The following NARS2 variants were observed in gnomAD, a reference collection of about 807,000 sequenced individuals.
The protein encoded by NARS2 is asparaginyl-tRNA synthetase 2, mitochondrial, also known as asparaginyl-tRNA synthetase.
Under a neutral mutation model 62.9 loss-of-function variants are expected in NARS2, and 60 were observed. The observed-to-expected ratio is 0.95, with a 90% CI of 0.77 to 1.18. The LOEUF is 1.18. Ranked by LOEUF, NARS2 falls within the 50% of genes most tolerant of loss-of-function variation. The pLI is 0.00. For synonymous variants in NARS2, 196 were observed against 200.0 expected, an observed-to-expected ratio of 0.98 and a Z score of 0.17; for missense variants, 619 against 576.4, an observed-to-expected ratio of 1.07 and a Z score of -0.76.
intron 4 of NARS2, among the ~76,000 whole-genome samples, chr11:78,563,847 A>C (rs1413237815): frequency 2.1e-4 from 14 of 66,028 alleles, no homozygotes; most frequent in African/African-American, 8.4e-4. Context: ...AAAAAAAAAA[A>C]AAAAATATAT....
chr11:78,552,124 T>G (rs1856146302), intron 5 of NARS2, among the ~76,000 whole-genome samples: 1 of 152,222 alleles, frequency 6.6e-6, no homozygotes, highest in African/African-American at 2.4e-5. Flanking sequence ...CAGTTATCTT[T>G]TCCGCTCTTC....
chr11:78,522,672 C>A (rs779501444), intron 6 of NARS2, among the ~76,000 whole-genome samples: 22 of 152,060 alleles, frequency 1.4e-4, no homozygotes, highest in Non-Finnish European at 2.2e-4. Flanking sequence ...GGTGTACAAT[C>A]TAAAAATAAA....
At chr11:78,550,387 G>C (rs1856054484) in intron 5 of NARS2, among the ~76,000 whole-genome samples, 1 of 152,034 alleles carries the variant, frequency 6.6e-6, no homozygotes, top group Non-Finnish European at 1.5e-5. Flanking sequence ...ATTTCCTTCA[G>C]TCATTTTCTG....
chr11:78,443,836 T>A, intron 11 of NARS2, 78 bp from the exon 12 acceptor site: 1 of 1,093,970 alleles, frequency 9.1e-7, no homozygotes, highest in Non-Finnish European at 1.3e-6. Flanking sequence ...AGTAAACCTT[T>A]AACATTTTGG....
rs1325541772 is a variant in NARS2 at position 78,528,226 on chromosome 11, T to TA, written c.689+615dup. 4.6e-5 allele frequency among the ~76,000 whole-genome samples: 7 copies of TA among 151,754 alleles called. No individual in the cohort carries two copies. In the South Asian group the frequency reaches 8.3e-4, roughly 18 times the overall value. ...TGGGCAATAAGCGAGATCCCACCTCTAAAAAAAATAAAAATAAATGGGAAT... is the reference window on the plus strand; with the variant it reads ...TGGGCAATAAGCGAGATCCCACCTCTAAAAAAAAATAAAAATAAATGGGAAT... On this transcript the variant is annotated intron_variant, in intron 6 of 13. Coordinates refer to ENST00000281038, the MANE Select transcript of NARS2 (RefSeq NM_024678.6).
intron 11 of NARS2, among the ~76,000 whole-genome samples, chr11:78,445,508 C>A (rs898981597): frequency 7.2e-5 from 11 of 152,266 alleles, no homozygotes; most frequent in African/African-American, 2.4e-4. Flanking sequence ...GTAGTCCCAG[C>A]TGTTCTGGAG....
chr11:78,544,010 C>A, intron 5 of NARS2, among the ~76,000 whole-genome samples: 1 of 98,878 alleles, frequency 1.0e-5, no homozygotes, highest in Non-Finnish European at 1.9e-5. Context: ...CAGAGTAAGA[C>A]TCTGTCTCAA....
At chr11:78,554,508 C>CGTGCGTGTGTGTGTGTGTGTGT (rs112168447) in intron 5 of NARS2, among the ~76,000 whole-genome samples, 12 of 146,910 alleles carry the variant, frequency 8.2e-5, no homozygotes, top group Non-Finnish European at 1.6e-4. Flanking sequence ...GGCGTGTGTG[C>CGTGCGTGTGTGTGTGTGTGTGT]GTGTGTGTGT....
chr11:78,524,569 T>C (rs1006955697), intron 6 of NARS2, among the ~76,000 whole-genome samples: 6 of 152,150 alleles, frequency 3.9e-5, no homozygotes, highest in Non-Finnish European at 5.9e-5. Context: ...TACTTCATTA[T>C]GTGACATTTC....
intron 11 of NARS2, among the ~76,000 whole-genome samples, chr11:78,451,704 C>A (rs1857977763): frequency 6.6e-6 from 1 of 152,210 alleles, no homozygotes; most frequent in Non-Finnish European, 1.5e-5. Context: ...TAGATTTTAT[C>A]ATAGCTAACC....
At chr11:78,517,163 A>C (rs945920334) in intron 6 of NARS2, among the ~76,000 whole-genome samples, 1 of 152,242 alleles carries the variant, frequency 6.6e-6, no homozygotes, top group Non-Finnish European at 1.5e-5. Flanking sequence ...GAGCTGAAGC[A>C]AAGGGACATG....
intron 5 of NARS2, among the ~76,000 whole-genome samples, chr11:78,553,429 C>T (rs936867093): frequency 6.6e-6 from 1 of 152,120 alleles, no homozygotes; most frequent in African/African-American, 2.4e-5. Context: ...GCTGGGATTA[C>T]AGGCATGTGC....
intron 7 of NARS2, among the ~76,000 whole-genome samples, chr11:78,485,487 T>C (rs1379004106): frequency 1.3e-5 from 2 of 152,184 alleles, no homozygotes; most frequent in Non-Finnish European, 1.5e-5. Flanking sequence ...GAATGGGAAC[T>C]AGTCAACTTG....
intron 5 of NARS2, chr11:78,546,594 G>A (rs1855886518): frequency 6.6e-6 from 1 of 152,214 alleles, no homozygotes; most frequent in Non-Finnish European, 1.5e-5. Flanking sequence ...CACATGTCAT[G>A]TAGTCAATTA....
intron 5 of NARS2, among the ~76,000 whole-genome samples, chr11:78,532,624 C>T (rs767374862): frequency 6.6e-6 from 1 of 152,184 alleles, no homozygotes; most frequent in Non-Finnish European, 1.5e-5. Flanking sequence ...CTTCCTATTA[C>T]AGATTAACCT....
chr11:78,561,610 T>C (rs954729321), intron 4 of NARS2, among the ~76,000 whole-genome samples: 4 of 152,128 alleles, frequency 2.6e-5, no homozygotes, highest in Non-Finnish European at 4.4e-5. Context: ...CCCATACACA[T>C]CAGTAAGAGA....
intron 6 of NARS2, among the ~76,000 whole-genome samples, chr11:78,506,037 GA>G (rs1860484914): frequency 6.6e-6 from 1 of 151,826 alleles, no homozygotes; most frequent in Admixed American, 6.6e-5. Flanking sequence ...AAAATTGGAT[GA>G]AAAAAATTGA....
intron 12 of NARS2, among the ~76,000 whole-genome samples, chr11:78,441,580 G>A (rs1019889300): frequency 6.6e-6 from 1 of 152,006 alleles, no homozygotes; most frequent in Admixed American, 6.6e-5. Flanking sequence ...GTGTGGTGGT[G>A]TGTGCCTGTA....
At chr11:78,517,621 C>T (rs902539288) in intron 6 of NARS2, among the ~76,000 whole-genome samples, 7 of 152,168 alleles carry the variant, frequency 4.6e-5, no homozygotes, top group African/African-American at 1.4e-4. Flanking sequence ...TCATTATAAC[C>T]TTCTAAGTCT....
Sources: gnomAD v4.1 joint callset for allele counts (sites outside exome capture counted in the v4.1 genomes callset) on GRCh38, gnomAD v4.1.1 for gene constraint, MANE v1.5 for transcripts, NCBI Gene and HGNC (gene_info 2026-07-23, HGNC 2026-07-21) for gene names.